Variants in CAB39L observed in about 807,000 individuals in gnomAD.
CAB39L encodes calcium-binding protein 39-like.
Under a neutral mutation model 39.1 loss-of-function variants are expected in CAB39L, and 23 were observed. The observed-to-expected ratio is 0.59, with a 90% confidence interval of 0.42 to 0.83. The LOEUF is 0.83. Ranked by LOEUF, CAB39L falls within the 40% of genes least tolerant of loss-of-function variation. The pLI is 0.00. For missense variants in CAB39L, 366 were observed against 391.9 expected (o/e 0.93, Z 0.56); for synonymous variants, 126 against 137.2 (o/e 0.92, Z 0.57).
At chr13:49,350,630 G>T (rs1173540696) in intron 7 of CAB39L, 114 bp downstream of exon 7, 2 of 655,936 alleles carry the variant, frequency 3.0e-6, no homozygotes, top group East Asian at 2.7e-5. Context: ...ATCATACATG[G>T]TTGGCTACAC....
chr13:49,346,450 C>A (rs971024129), intron 7 of CAB39L, among the ~76,000 whole-genome samples: 1 of 151,686 alleles, frequency 6.6e-6, no homozygotes, highest in Admixed American at 6.6e-5. Context: ...AATTTAAAAA[C>A]CTTAATTCAA....
chr13:49,420,255 A>G lies in CAB39L; in HGVS notation c.-32+13063T>C, dbSNP rs375253204. 3.3e-3 allele frequency: 501 copies of G among 152,310 alleles called. 3 individuals are homozygous for G. Among genetic ancestry groups the G allele is most frequent in the African/African-American group, 0.011 (476 of 41,570 alleles). The allele number at this position is 152,310 out of a possible 1,614,324, so 9.4% of individuals were successfully genotyped here. A position where few individuals can be genotyped will look rare whatever the true frequency, so the allele number is the denominator to read the frequency against. Reference sequence around the variant, plus strand: ...TAGATTTGTCTTGCCATATTTCTCTATGTAAGTAAATTCAGTTCTGAAAAA... The same window carrying G: ...TAGATTTGTCTTGCCATATTTCTCTGTGTAAGTAAATTCAGTTCTGAAAAA... On this transcript the variant is annotated intron_variant, in intron 3 of 10. Transcript: ENST00000409308.
At chr13:49,440,456 A>G (rs994454097) in intron 1 of CAB39L, among the ~76,000 whole-genome samples, 2 of 151,918 alleles carry the variant, frequency 1.3e-5, no homozygotes, top group South Asian at 4.2e-4. Flanking sequence ...CCATTGGCCT[A>G]TATGTCTGTT....
At chr13:49,326,565 G>A (rs1423692949) in intron 10 of CAB39L, among the ~76,000 whole-genome samples, 1 of 152,018 alleles carries the variant, frequency 6.6e-6, no homozygotes, top group Non-Finnish European at 1.5e-5. Context: ...GTGCTCTGGG[G>A]AAAAAAACCT....
intron 7 of CAB39L, among the ~76,000 whole-genome samples, chr13:49,348,140 T>C (rs1241894914): frequency 6.6e-6 from 1 of 152,036 alleles, no homozygotes; most frequent in African/African-American, 2.4e-5. Context: ...ACCCGGACGC[T>C]AGAGGCCTTG....
At chr13:49,393,609 G>A (rs1193289329) in intron 3 of CAB39L, among the ~76,000 whole-genome samples, 2 of 151,710 alleles carry the variant, frequency 1.3e-5, no homozygotes, top group Non-Finnish European at 1.5e-5. Context: ...TATTTATAAT[G>A]AGCACATTTC....
In CAB39L at chr13:49,308,712, T is replaced by A. The variant is rs1320919347; in HGVS notation, c.*2102A>T. 1 of 152,664 alleles carries A rather than the reference T, an allele frequency of 6.6e-6. No individual in the cohort carries two copies. The highest frequency in any genetic ancestry group is 1.5e-5 in the Non-Finnish European group (1 of 68,040). 9.5% of individuals were successfully genotyped at this position (152,664 alleles called of 1,614,324 possible). On this transcript the variant is annotated 3_prime_UTR_variant, in exon 11 of 11. Coordinates refer to ENST00000409308, the MANE Select transcript of CAB39L (RefSeq NM_001079670.3). ...TGTGTGCTTTTGAAATCACTAAATATGACCTTTTCAGAATTCAATTCTCAC... is the reference window on the plus strand; with the variant it reads ...TGTGTGCTTTTGAAATCACTAAATAAGACCTTTTCAGAATTCAATTCTCAC...
At chr13:49,322,003 CTATA>C (rs1408095481) in intron 10 of CAB39L, among the ~76,000 whole-genome samples, 1 of 152,176 alleles carries the variant, frequency 6.6e-6, no homozygotes, top group East Asian at 1.9e-4. Flanking sequence ...AAAATTCAGA[CTATA>C]TAGTTGACTC....
rs528135290 is a variant in CAB39L at position 49,329,809 on chromosome 13, T to G, written c.834+2138A>C. 2.6e-3 allele frequency among the ~76,000 whole-genome samples: 393 copies of G among 152,044 alleles called. 1 individual carries two copies. Among genetic ancestry groups the G allele is most frequent in the Non-Finnish European group, 4.3e-3 (291 of 67,976 alleles). On this transcript the variant is annotated intron_variant, in intron 10 of 10. Coordinates refer to ENST00000409308, the MANE Select transcript of CAB39L (RefSeq NM_001079670.3). ...TAACTTCAAAGTGCATTTAAAACAT[T>G]TTTCCCCTTTCTCTTGGGTTTAAAA...
At chr13:49,377,284 G>GA (rs1235966625) in intron 4 of CAB39L, among the ~76,000 whole-genome samples, 153 bp from the exon 5 acceptor site, 2 of 34,690 alleles carry the variant, frequency 5.8e-5, no homozygotes, top group African/African-American at 3.0e-4. Flanking sequence ...ACAGTGAGGG[G>GA]AATCACCATG....
intron 3 of CAB39L, among the ~76,000 whole-genome samples, chr13:49,429,403 A>AT (rs1483151111): frequency 2.6e-5 from 4 of 152,210 alleles, no homozygotes; most frequent in Admixed American, 1.3e-4. Flanking sequence ...AAAAATTATC[A>AT]TTTTTGACAA....
At chr13:49,321,940 T>C (rs1204730339) in intron 10 of CAB39L, among the ~76,000 whole-genome samples, 1 of 152,188 alleles carries the variant, frequency 6.6e-6, no homozygotes, top group Non-Finnish European at 1.5e-5. Context: ...AGCATAGTGA[T>C]TACCTATATC....
At chr13:49,364,480 T>C (rs964451683) in intron 5 of CAB39L, among the ~76,000 whole-genome samples, 3 of 152,174 alleles carry the variant, frequency 2.0e-5, no homozygotes, top group Non-Finnish European at 2.9e-5. Flanking sequence ...GGCATCCAAA[T>C]TGGTAGGGAA....
At chr13:49,400,433 T>TACAAAC (rs1331716196) in intron 3 of CAB39L, among the ~76,000 whole-genome samples, 2 of 138,008 alleles carry the variant, frequency 1.4e-5, no homozygotes, top group Non-Finnish European at 3.1e-5. Context: ...CTATTGCTTA[T>TACAAAC]ACAAACACAA....
intron 5 of CAB39L, among the ~76,000 whole-genome samples, chr13:49,365,464 T>C (rs765976085): frequency 2.1e-4 from 32 of 152,086 alleles, no homozygotes; most frequent in Non-Finnish European, 4.3e-4. Context: ...CCACATCAAA[T>C]TGAAAAGCTT....
chr13:49,351,328 C>T (rs1955349373), intron 6 of CAB39L, among the ~76,000 whole-genome samples: 1 of 149,974 alleles, frequency 6.7e-6, no homozygotes, highest in Admixed American at 6.7e-5. Context: ...TTACTTTAGA[C>T]TCAAGGAAAA....
intron 3 of CAB39L, among the ~76,000 whole-genome samples, chr13:49,398,429 C>T (rs1157489322): frequency 2.6e-5 from 4 of 152,018 alleles, no homozygotes; most frequent in Non-Finnish European, 5.9e-5. Context: ...CATGTAAACA[C>T]AGTCATATAT....
At position 49,310,886 on chromosome 13, in the gene CAB39L, A is replaced by G. The variant is rs1443935017; in HGVS notation, c.942T>C (p.Asp314=). 3.1e-6 allele frequency: 5 copies of G among 1,613,994 alleles called. No homozygotes were observed. The highest frequency in any genetic ancestry group is 4.2e-6 in the Non-Finnish European group (5 of 1,180,028). Residue 314 remains aspartate (D), a synonymous_variant, in exon 11 of 11, where the codon GAT becomes GAC. Transcript: ENST00000409308. ...TCTTCTCGTCAGCGAACTGCTCATC[A>G]TCCGTCCTTTCTTTTTGGAAGCTGC... is the stretch of plus-strand genomic sequence containing the variant. ...FLSSFQKERT[D]DEQFADEKNY... is the part of the protein sequence containing the mutation.
chr13:49,377,070 T>C lies in CAB39L; in HGVS notation c.173A>G (p.Glu58Gly). 6.2e-7 allele frequency: 1 copy of C among 1,613,746 alleles called. No homozygotes were observed. Among genetic ancestry groups the C allele is most frequent in the Non-Finnish European group, 8.5e-7 (1 of 1,179,698 alleles). ...AMKEILCGTN[E>G]KEPPTEAVAQ... Reference sequence around the variant, plus strand: ...CACTGCTTCTGTTGGGGGTTCTTTCTCGTTTGTACCACACAGAATTTCTTT... The same window carrying C: ...CACTGCTTCTGTTGGGGGTTCTTTCCCGTTTGTACCACACAGAATTTCTTT... The change falls in exon 5 of 11, where the codon GAG becomes GGG. Residue 58 changes from glutamate (E) to glycine (G), a missense_variant. Physicochemically the swap from Glu to Gly is moderately conservative, Grantham distance 98. Coordinates refer to ENST00000409308, the MANE Select transcript of CAB39L (RefSeq NM_001079670.3).
Sources: gnomAD v4.1 joint callset for allele counts (sites outside exome capture counted in the v4.1 genomes callset) on GRCh38, gnomAD v4.1.1 for gene constraint, MANE v1.5 for transcripts, NCBI Gene and HGNC (gene_info 2026-07-23, HGNC 2026-07-21) for gene names.